The following KIAA1328 variants were observed in gnomAD, a reference collection of about 807,000 sequenced individuals.
The protein encoded by KIAA1328 is protein hinderin.
Under a neutral mutation model 68.1 loss-of-function variants are expected in KIAA1328, and 52 were observed. The ratio of observed to expected loss-of-function variants is 0.76; its 90% CI spans 0.61 to 0.96. The LOEUF (loss-of-function observed/expected upper bound fraction) is 0.96. Ranked by LOEUF, KIAA1328 falls within the 40% of genes least tolerant of loss-of-function variation. The probability of loss-of-function intolerance (pLI) is 0.00; values close to 1 mark genes in which losing one functional copy is unlikely to be tolerated. For missense variants in KIAA1328, 641 were observed against 677.6 expected, an observed-to-expected ratio of 0.95 and a Z score of 0.60; for synonymous variants, 232 against 239.4, an observed-to-expected ratio of 0.97 and a Z score of 0.28.
rs572955012 is a variant in KIAA1328 at position 37,141,620 on chromosome 18, A to G, written c.1233-18580A>G. Among the ~76,000 whole-genome samples the G allele has an allele frequency of 2.0e-5, 3 of 152,318 alleles. No individual in the cohort carries two copies. In the East Asian group the frequency reaches 5.8e-4, roughly 29 times the overall value. On this transcript the variant is annotated intron_variant, in intron 7 of 9. Transcript: ENST00000280020. ...TCTCTTAAGTAAATATCTAGGAGTG[A>G]AATTACTGTATCATATTGTAAGTTT...
intron 5 of KIAA1328, among the ~76,000 whole-genome samples, chr18:36,928,694 GAGTGTGTGCGC>G (rs1235105419): frequency 1.3e-5 from 2 of 152,200 alleles, no homozygotes; most frequent in East Asian, 3.9e-4. Context: ...GAATGTGTGT[GAGTGTGTGCGC>G]ACGCATGTGC....
intron 6 of KIAA1328, among the ~76,000 whole-genome samples, chr18:36,982,002 T>G (rs1294010763): frequency 2.0e-5 from 3 of 150,050 alleles, no homozygotes; most frequent in Non-Finnish European, 4.4e-5. Context: ...GTTGGAGATA[T>G]AGCAGTTAGA....
At chr18:36,945,761 G>A (rs55911314) in intron 5 of KIAA1328, among the ~76,000 whole-genome samples, 16,164 of 152,192 alleles carry the variant, frequency 0.11, 1,092 homozygotes, top group Non-Finnish European at 0.13. Flanking sequence ...GTGGGTGGGT[G>A]ATATAGAAGA....
intron 4 of KIAA1328, among the ~76,000 whole-genome samples, chr18:36,872,654 C>A (rs1345234706): frequency 6.6e-6 from 1 of 152,178 alleles, no homozygotes; most frequent in Non-Finnish European, 1.5e-5. Context: ...TTACTTCAGT[C>A]TCTACTTCCT....
chr18:37,057,645 C>T (rs1308394201), intron 6 of KIAA1328, among the ~76,000 whole-genome samples: 3 of 151,638 alleles, frequency 2.0e-5, no homozygotes, highest in Non-Finnish European at 2.9e-5. Context: ...CCGTGTTAGC[C>T]AGGATGGTCT....
intron 5 of KIAA1328, among the ~76,000 whole-genome samples, chr18:36,893,762 A>T (rs2048779801): frequency 6.6e-6 from 1 of 152,090 alleles, no homozygotes; most frequent in Non-Finnish European, 1.5e-5. Flanking sequence ...AGACTATAGA[A>T]GTTGACAGAG....
intron 6 of KIAA1328, among the ~76,000 whole-genome samples, chr18:36,967,687 G>C (rs1454704839): frequency 3.3e-5 from 5 of 152,120 alleles, no homozygotes; most frequent in African/African-American, 1.2e-4. Flanking sequence ...GGCATTGAGA[G>C]TGGGCAGAAG....
intron 6 of KIAA1328, among the ~76,000 whole-genome samples, chr18:37,033,961 G>GT (rs2054931065): frequency 6.6e-6 from 1 of 152,254 alleles, no homozygotes; most frequent in Admixed American, 6.5e-5. Context: ...AAAACAACTG[G>GT]TTTCAGGCAT....
At position 37,185,494 on chromosome 18, in the gene KIAA1328, G is replaced by C. The variant is rs142383418; in HGVS notation, c.1523+12413G>C. On this transcript the variant is annotated intron_variant, in intron 9 of 9. Transcript: ENST00000280020. ...AAAACATGACTGTGTATTAATGTAG[G>C]CTACATGCTTTGCCTTGGGGAAAGA... 3.0e-4 allele frequency among the ~76,000 whole-genome samples: 45 copies of C among 152,158 alleles called. No homozygotes were observed. In the East Asian group the frequency reaches 7.5e-3, roughly 25 times the overall value.
rs777942485 is a variant in KIAA1328 at position 37,160,386 on chromosome 18, G to A, written c.1414+5G>A. 6.2e-7 allele frequency: 1 copy of A among 1,607,988 alleles called. No homozygotes were observed. On this transcript the variant is annotated splice_donor_5th_base_variant and intron_variant, in intron 8 of 9. Coordinates refer to ENST00000280020, the MANE Select transcript of KIAA1328 (RefSeq NM_020776.3). ...ATACATGTAGACCCCAAAGAGGTAA[G>A]TTTAACAACTGTAGTGGCAAAATGA...
intron 6 of KIAA1328, among the ~76,000 whole-genome samples, chr18:37,022,140 G>A (rs2054372961): frequency 6.6e-6 from 1 of 152,118 alleles, no homozygotes; most frequent in African/African-American, 2.4e-5. Flanking sequence ...ACCTTAGCAT[G>A]TGCCTCATTG....
chr18:37,176,903 T>G (rs1271842941), intron 9 of KIAA1328, among the ~76,000 whole-genome samples: 1 of 152,184 alleles, frequency 6.6e-6, no homozygotes, highest in Non-Finnish European at 1.5e-5. Flanking sequence ...GTGTGTCCAT[T>G]GTCAACAATA....
chr18:36,949,849 A>G (rs1245391744), intron 5 of KIAA1328, among the ~76,000 whole-genome samples: 1 of 150,188 alleles, frequency 6.7e-6, no homozygotes, highest in East Asian at 2.0e-4. Context: ...CCCTCCCCCA[A>G]TGGATTACTG....
At position 36,947,001 on chromosome 18, in the gene KIAA1328, C is replaced by T. The variant is rs79119982; in HGVS notation, c.449-12307C>T. On this transcript the variant is annotated intron_variant, in intron 5 of 9. Transcript: ENST00000280020. ...AGAAGATTGAGGGACCACTTAAACT[C>T]GGTTTACATTTCCACTAAGAAATGA... Among the ~76,000 whole-genome samples the T allele has an allele frequency of 5.8e-3, 889 of 152,166 alleles. 11 individuals are homozygous for T. Among genetic ancestry groups the T allele is most frequent in the African/African-American group, 0.02 (825 of 41,524 alleles).
intron 8 of KIAA1328, among the ~76,000 whole-genome samples, chr18:37,161,177 T>G (rs1202252061): frequency 1.3e-5 from 2 of 152,188 alleles, no homozygotes; most frequent in Non-Finnish European, 2.9e-5. Flanking sequence ...CTTATTTACC[T>G]GTTTTCCTAC....
chr18:36,887,787 C>G (rs2048549794), intron 5 of KIAA1328, among the ~76,000 whole-genome samples: 1 of 152,132 alleles, frequency 6.6e-6, no homozygotes, highest in Non-Finnish European at 1.5e-5. Flanking sequence ...AAGGGAAATA[C>G]AATTCACTCT....
At chr18:36,994,715 A>G (rs908720162) in intron 6 of KIAA1328, among the ~76,000 whole-genome samples, 1 of 152,136 alleles carries the variant, frequency 6.6e-6, no homozygotes, top group African/African-American at 2.4e-5. Context: ...TTTAGCTTAT[A>G]CATATTTTTC....
intron 7 of KIAA1328, among the ~76,000 whole-genome samples, chr18:37,115,543 C>T (rs1377751909): frequency 6.6e-5 from 10 of 152,160 alleles, no homozygotes; most frequent in Non-Finnish European, 1.2e-4. Context: ...TTATGACAAA[C>T]CCACAGCCAA....
chr18:37,201,525 C>T lies in KIAA1328; in HGVS notation c.1524-20492C>T, dbSNP rs377353839. The stretch of plus-strand genomic sequence containing the variant: ...TTACCAAAGAGAAGTCATAGTAAGG[C>T]CAGCTTATTTGCAAAATAAGTTTTA... On this transcript the variant is annotated intron_variant, in intron 9 of 9. Coordinates refer to ENST00000280020, the MANE Select transcript of KIAA1328 (RefSeq NM_020776.3). Among the ~76,000 whole-genome samples the T allele has an allele frequency of 1.2e-4, 18 of 152,164 alleles. No individual in the cohort carries two copies. In the East Asian group the frequency reaches 2.3e-3, roughly 20 times the overall value.
Sources: allele counts gnomAD v4.1 joint callset (sites outside exome capture counted in the v4.1 genomes callset), GRCh38; gene constraint gnomAD v4.1.1; transcripts MANE v1.5; gene names NCBI Gene and HGNC (gene_info 2026-07-23, HGNC 2026-07-21).